Variants in FBXL13 observed in about 807,000 individuals in gnomAD.
The protein encoded by FBXL13 is F-box and leucine-rich repeat protein 13.
FBXL13 carries 67 observed loss-of-function variants against 83.6 expected under a neutral mutation model. The observed-to-expected ratio is 0.80, with a 90% CI of 0.66 to 0.98. The LOEUF is 0.98. FBXL13 is among the 50% of genes least tolerant of loss of function. FBXL13 has a pLI of 0.00. For missense variants in FBXL13, 822 were observed against 866.5 expected, an observed-to-expected ratio of 0.95 and a Z score of 0.64; for synonymous variants, 272 against 299.5, an observed-to-expected ratio of 0.91 and a Z score of 0.95.
chr7:102,932,506 A>G (rs1819377743), intron 8 of FBXL13, among the ~76,000 whole-genome samples: 1 of 2,868 alleles, frequency 3.5e-4, no homozygotes, highest in African/African-American at 5.7e-4. Flanking sequence ...CAAATACTTC[A>G]ACATGTATAT....
At chr7:102,872,427 C>CAT (rs1808643632) in intron 16 of FBXL13, among the ~76,000 whole-genome samples, 2 of 152,274 alleles carry the variant, frequency 1.3e-5, no homozygotes, top group South Asian at 4.2e-4. Flanking sequence ...ACCTACATAA[C>CAT]AGGCGCTCAA....
At chr7:102,867,802 A>G (rs747476759) in intron 16 of FBXL13, among the ~76,000 whole-genome samples, 50 of 141,298 alleles carry the variant, frequency 3.5e-4, no homozygotes, top group Non-Finnish European at 1.6e-4. Flanking sequence ...TCCCGGGTTC[A>G]TGCCATTCTC....
At chr7:102,972,607 A>G (rs75392254) in intron 6 of FBXL13, among the ~76,000 whole-genome samples, 381 of 152,242 alleles carry the variant, frequency 2.5e-3, no homozygotes, top group Middle Eastern at 0.014. Context: ...CCATTCATCA[A>G]TGTAACCAAA....
At chr7:102,926,454 C>T in intron 9 of FBXL13, 80 bp from the exon 11 acceptor site, 1 of 1,064,926 alleles carries the variant, frequency 9.4e-7, no homozygotes, top group Non-Finnish European at 1.4e-6. Flanking sequence ...TATTATCCCT[C>T]TTCCTGTTCC....
intron 6 of FBXL13, among the ~76,000 whole-genome samples, chr7:102,970,385 C>G (rs1392198699): frequency 6.6e-6 from 1 of 151,772 alleles, no homozygotes; most frequent in Non-Finnish European, 1.5e-5. Flanking sequence ...AGTTTGTAAC[C>G]AAAGGCCAGC....
chr7:102,934,795 AC>A, intron 8 of FBXL13: 3 of 1,001,946 alleles, frequency 3.0e-6, no homozygotes, highest in South Asian at 1.8e-5. Flanking sequence ...TGTCACTTCC[AC>A]CAGAAATCCT....
At chr7:102,861,800 G>A (rs1806875137) in intron 16 of FBXL13, among the ~76,000 whole-genome samples, 1 of 151,674 alleles carries the variant, frequency 6.6e-6, no homozygotes, top group Non-Finnish European at 1.5e-5. Context: ...TGGCCAGCAT[G>A]GCAAAACCCC....
At chr7:103,023,244 C>T (rs1793430065) in intron 6 of FBXL13, among the ~76,000 whole-genome samples, 1 of 152,062 alleles carries the variant, frequency 6.6e-6, no homozygotes. Context: ...CCACTGCACT[C>T]CAGCCTGAGC....
downstream of FBXL13, chr7:102,813,087 G>A (rs752212403): frequency 3.4e-5 from 11 of 320,640 alleles, no homozygotes; most frequent in East Asian, 3.2e-4. Flanking sequence ...TGGTCCACCC[G>A]CCTTGGCCTA....
At chr7:103,008,313 G>A (rs748833764) in intron 6 of FBXL13, among the ~76,000 whole-genome samples, 11 of 151,876 alleles carry the variant, frequency 7.2e-5, no homozygotes, top group Non-Finnish European at 1.2e-4. Context: ...CATATGAACT[G>A]GACAGGGTCC....
chr7:102,812,726 A>C (rs1797496869), downstream of FBXL13, among the ~76,000 whole-genome samples: 1 of 152,020 alleles, frequency 6.6e-6, no homozygotes, highest in African/African-American at 2.4e-5. Flanking sequence ...TTGTCAAAAA[A>C]GTCTCATCTC....
chr7:103,012,460 G>A (rs577996040), intron 6 of FBXL13, among the ~76,000 whole-genome samples: 8 of 151,946 alleles, frequency 5.3e-5, no homozygotes, highest in South Asian at 2.1e-4. Context: ...CAGACCTGTC[G>A]GCAGAAACCC....
intron 16 of FBXL13, among the ~76,000 whole-genome samples, chr7:102,871,331 T>C (rs1808498770): frequency 6.6e-6 from 1 of 152,124 alleles, no homozygotes; most frequent in South Asian, 2.1e-4. Context: ...CTATATTACC[T>C]ATCTTTTTAG....
intron 10 of FBXL13, among the ~76,000 whole-genome samples, chr7:102,917,385 TA>T (rs2129469776): frequency 6.6e-6 from 1 of 152,302 alleles, no homozygotes; most frequent in South Asian, 2.1e-4. Context: ...AAGATCATAA[TA>T]GCTTTACTCA....
chr7:102,818,829 AG>A (rs1798390158), intron 19 of FBXL13, among the ~76,000 whole-genome samples: 1 of 152,192 alleles, frequency 6.6e-6, no homozygotes, highest in Non-Finnish European at 1.5e-5. Context: ...TACATGTACA[AG>A]ATGTACAGGT....
At chr7:102,940,717 A>G (rs924544077) in intron 8 of FBXL13, among the ~76,000 whole-genome samples, 4 of 152,190 alleles carry the variant, frequency 2.6e-5, no homozygotes, top group African/African-American at 9.6e-5. Context: ...TCTCTTCTCC[A>G]TTTGCTAAGC....
At chr7:102,851,775 G>A (rs1461523525) in intron 17 of FBXL13, among the ~76,000 whole-genome samples, 1 of 151,992 alleles carries the variant, frequency 6.6e-6, no homozygotes, top group Non-Finnish European at 1.5e-5. Context: ...ATATTGATAT[G>A]CTTGAAGTGA....
At chr7:102,944,271 CT>C in intron 8 of FBXL13, 1 of 1,613,440 alleles carries the variant, frequency 6.2e-7, no homozygotes, top group Non-Finnish European at 8.5e-7. Context: ...GTCTGCAAAA[CT>C]TTGACTATGG....
At chr7:102,945,441 A>G (rs1585075876) in intron 8 of FBXL13, among the ~76,000 whole-genome samples, 2 of 152,338 alleles carry the variant, frequency 1.3e-5, no homozygotes, top group Middle Eastern at 6.8e-3. Flanking sequence ...GCATAAAATA[A>G]AGAATGAAAT....
Sources: gnomAD v4.1 joint callset for allele counts (sites outside exome capture counted in the v4.1 genomes callset) on GRCh38, gnomAD v4.1.1 for gene constraint, MANE v1.5 for transcripts, NCBI Gene and HGNC (gene_info 2026-07-23, HGNC 2026-07-21) for gene names.